Variants in EIPR1 observed in about 807,000 individuals in gnomAD.
EIPR1 encodes EARP and GARP complex-interacting protein 1.
In EIPR1, 25 loss-of-function variants were observed where a neutral mutation model predicts 48.1. The ratio of observed to expected loss-of-function variants is 0.52; its 90% CI spans 0.38 to 0.73. The LOEUF (loss-of-function observed/expected upper bound fraction) is 0.73, where lower values mean the gene tolerates loss of function less well. Among genes scored for constraint, EIPR1 ranks in the 30% least tolerant of loss-of-function variants. EIPR1 has a pLI of 0.00. For synonymous variants in EIPR1, 204 were observed against 201.9 expected (o/e 1.01, Z -0.09); for missense variants, 415 against 506.2 (o/e 0.82, Z 1.73).
intron 3 of EIPR1, among the ~76,000 whole-genome samples, chr2:3,290,984 G>C (rs1459995142): frequency 6.6e-6 from 1 of 152,200 alleles, no homozygotes; most frequent in Non-Finnish European, 1.5e-5. Flanking sequence ...ACATTCCACG[G>C]GCCAGCCCTC....
chr2:3,309,593 C>T (rs1009302801), intron 3 of EIPR1, among the ~76,000 whole-genome samples: 14 of 152,132 alleles, frequency 9.2e-5, no homozygotes, highest in African/African-American at 2.9e-4. Flanking sequence ...CAGCTCCATA[C>T]GGCCTATGCA....
chr2:3,229,084 C>T (rs1383276437), intron 4 of EIPR1, among the ~76,000 whole-genome samples: 1 of 152,202 alleles, frequency 6.6e-6, no homozygotes, highest in African/African-American at 2.4e-5. Flanking sequence ...ATGAACAGAG[C>T]AGTTGACAAG....
At chr2:3,192,915 C>T (rs1002249203) in intron 7 of EIPR1, among the ~76,000 whole-genome samples, 9 of 151,868 alleles carry the variant, frequency 5.9e-5, no homozygotes, top group African/African-American at 2.2e-4. Flanking sequence ...TGTGGATTAG[C>T]GATATCCTGT....
chr2:3,249,992 A>G (rs1666955243), intron 4 of EIPR1, among the ~76,000 whole-genome samples: 1 of 152,242 alleles, frequency 6.6e-6, no homozygotes, highest in Non-Finnish European at 1.5e-5. Context: ...GTGCCCAGGC[A>G]GAAGACTGCC....
At chr2:3,377,447 C>T (rs1279862990) in intron 1 of EIPR1, 2 of 537,184 alleles carry the variant, frequency 3.7e-6, no homozygotes, top group Non-Finnish European at 6.3e-6. Context: ...GGAGGCAGGC[C>T]GGCTGTGGCC....
intron 3 of EIPR1, among the ~76,000 whole-genome samples, chr2:3,305,398 T>TAC (rs1399158437): frequency 6.8e-6 from 1 of 146,168 alleles, no homozygotes; most frequent in African/African-American, 2.6e-5. Context: ...CCCGTCCAGT[T>TAC]CAACCCTCCA....
At chr2:3,224,272 A>G (rs1158743705) in intron 4 of EIPR1, among the ~76,000 whole-genome samples, 1 of 152,234 alleles carries the variant, frequency 6.6e-6, no homozygotes, top group East Asian at 1.9e-4. Flanking sequence ...ACACAGTCTT[A>G]GGCTCAAGTG....
rs1668189158 is a variant in EIPR1 at position 3,286,489 on chromosome 2, G to A, written c.260-29034C>T. On this transcript the variant is annotated intron_variant, in intron 3 of 8. Transcript: ENST00000382125. This position sits in a 1 kb window ranked among gnomAD's most constrained non-coding sequence, Gnocchi z 4.2. ...CCTGGGCACATGGGAAGACCGAGAGGTGAGGGACACTTGGTGTCCGTGACA... is the reference window on the plus strand; with the variant it reads ...CCTGGGCACATGGGAAGACCGAGAGATGAGGGACACTTGGTGTCCGTGACA... Among the ~76,000 whole-genome samples, 1 of 152,234 alleles carries A rather than the reference G, an allele frequency of 6.6e-6. No homozygotes were observed. Among genetic ancestry groups the A allele is most frequent in the African/African-American group, 2.4e-5 (1 of 41,462 alleles).
intron 3 of EIPR1, among the ~76,000 whole-genome samples, chr2:3,268,452 G>C (rs897225368): frequency 1.3e-5 from 2 of 152,212 alleles, no homozygotes; most frequent in African/African-American, 2.4e-5. Flanking sequence ...GTGGGCCGAG[G>C]TCTGCGTCCC....
intron 6 of EIPR1, among the ~76,000 whole-genome samples, chr2:3,194,995 CCA>C (rs1368343063): frequency 6.6e-6 from 1 of 152,302 alleles, no homozygotes; most frequent in African/African-American, 2.4e-5. Context: ...GTGTGCACGC[CCA>C]CACATGTATG....
intron 4 of EIPR1, among the ~76,000 whole-genome samples, chr2:3,250,824 G>A (rs1231576380): frequency 6.6e-6 from 1 of 152,176 alleles, no homozygotes; most frequent in African/African-American, 2.4e-5. Flanking sequence ...CCTAACAAGT[G>A]ATGTCCTGGC....
Position 3,269,414 on chromosome 2 carries a change from C to G in EIPR1, c.260-11959G>C. Among the ~76,000 whole-genome samples, 2 of 129,524 alleles carry G rather than the reference C, an allele frequency of 1.5e-5. 1 individual carries two copies. The highest frequency in any genetic ancestry group is 1.6e-4 in the Admixed American group (2 of 12,542). The allele number at this position is 129,524 out of a possible 152,430, so 85.0% of individuals were successfully genotyped here. A position where few individuals can be genotyped will look rare whatever the true frequency, so the allele number is the denominator to read the frequency against. ...GCACTCAGTCATCGCACTCAATCATCGCACTCAATCATCACACTCAATCAT... is the reference window on the plus strand; with the variant it reads ...GCACTCAGTCATCGCACTCAATCATGGCACTCAATCATCACACTCAATCAT... On this transcript the variant is annotated intron_variant, in intron 3 of 8. Coordinates refer to ENST00000382125, the MANE Select transcript of EIPR1 (RefSeq NM_003310.5).
At chr2:3,373,322 A>T (rs1352997818) in intron 1 of EIPR1, among the ~76,000 whole-genome samples, 1 of 151,970 alleles carries the variant, frequency 6.6e-6, no homozygotes, top group Non-Finnish European at 1.5e-5. Context: ...AACTGGCACA[A>T]GACAGGGATG....
In EIPR1 at chr2:3,286,530, A is replaced by G. The variant is rs1668191205; in HGVS notation, c.260-29075T>C. Among the ~76,000 whole-genome samples, 3 of 152,338 alleles carry G rather than the reference A, an allele frequency of 2.0e-5. No homozygotes were observed. The highest frequency in any genetic ancestry group is 1.9e-4 in the East Asian group (1 of 5,182). On this transcript the variant is annotated intron_variant, in intron 3 of 8. Coordinates refer to ENST00000382125, the MANE Select transcript of EIPR1 (RefSeq NM_003310.5). This position sits in a 1 kb window ranked among gnomAD's most constrained non-coding sequence, Gnocchi z 4.2. Reference sequence around the variant, plus strand: ...GTCCGTGACAGGGAAAGGCTGAGGCATCAGGCTTCGGGCTGTGTCTACCTT... The same window carrying G: ...GTCCGTGACAGGGAAAGGCTGAGGCGTCAGGCTTCGGGCTGTGTCTACCTT...
chr2:3,204,632 A>G (rs890725301), intron 5 of EIPR1, among the ~76,000 whole-genome samples: 20 of 152,258 alleles, frequency 1.3e-4, no homozygotes, highest in Non-Finnish European at 5.9e-5. Context: ...AATGTGAACA[A>G]AAGAATACAC....
At chr2:3,194,251 C>T (rs1664717213) in intron 6 of EIPR1, 85 bp from the exon 7 acceptor site, 16 of 1,535,512 alleles carry the variant, frequency 1.0e-5, no homozygotes, top group Admixed American at 3.5e-5. Context: ...ACTGGTTTCC[C>T]GGGACCCTGT....
At chr2:3,291,096 C>T (rs914222616) in intron 3 of EIPR1, among the ~76,000 whole-genome samples, 4 of 152,230 alleles carry the variant, frequency 2.6e-5, no homozygotes, top group Admixed American at 6.5e-5. Context: ...CCCCGAGGAA[C>T]ATGCCTCAGA....
intron 3 of EIPR1, among the ~76,000 whole-genome samples, chr2:3,332,234 C>T (rs1217537631): frequency 1.3e-5 from 2 of 152,156 alleles, no homozygotes. Flanking sequence ...CTTAAGAAAA[C>T]CGTGGGTGAA....
chr2:3,304,999 CCCGT>C (rs1668885362), intron 3 of EIPR1, among the ~76,000 whole-genome samples: 2 of 122,688 alleles, frequency 1.6e-5, no homozygotes, highest in African/African-American at 3.1e-5. Flanking sequence ...ACCCTCCACT[CCCGT>C]CCAGTTCAAC....
Sources: gnomAD v4.1 joint callset for allele counts (sites outside exome capture counted in the v4.1 genomes callset) on GRCh38, gnomAD v4.1.1 for gene constraint, Gnocchi (gnomAD v3.1) non-coding constraint, MANE v1.5 for transcripts, NCBI Gene and HGNC (gene_info 2026-07-23, HGNC 2026-07-21) for gene names.